The following LPAR1 variants were observed in gnomAD, a reference collection of about 807,000 sequenced individuals.
The protein encoded by LPAR1 is LPA receptor 1.
LPAR1 carries 5 observed loss-of-function variants against 23.8 expected under a neutral mutation model. That is an observed-to-expected ratio of 0.21 (90% CI 0.11 to 0.44). The LOEUF is 0.44. LPAR1 is among the 20% of genes least tolerant of loss of function. The pLI, the probability that LPAR1 is intolerant of heterozygous loss-of-function variation, is 0.99. For synonymous variants in LPAR1, 160 were observed against 164.7 expected (o/e 0.97, Z 0.22); for missense variants, 311 against 482.8 (o/e 0.64, Z 3.33).
intron 5 of LPAR1, among the ~76,000 whole-genome samples, chr9:110,937,259 G>C (rs1374999045): frequency 2.0e-5 from 3 of 152,236 alleles, no homozygotes; most frequent in Non-Finnish European, 2.9e-5. Context: ...TGAGATCACA[G>C]TGTTTCAATT....
At chr9:110,908,213 TAGTA>T (rs1382098695) in intron 5 of LPAR1, among the ~76,000 whole-genome samples, 2 of 151,212 alleles carry the variant, frequency 1.3e-5, no homozygotes, top group Non-Finnish European at 3.0e-5. Context: ...TGTTTATAAA[TAGTA>T]AGCAATTTTA....
chr9:110,998,125 G>A (rs2097055138), intron 2 of LPAR1, among the ~76,000 whole-genome samples: 1 of 152,086 alleles, frequency 6.6e-6, no homozygotes, highest in South Asian at 2.1e-4. Context: ...GCTGCTCATG[G>A]GGCCACACTT....
chr9:110,950,611 C>T (rs147357228), intron 4 of LPAR1, among the ~76,000 whole-genome samples: 2 of 151,870 alleles, frequency 1.3e-5, no homozygotes, highest in Non-Finnish European at 2.9e-5. Context: ...ATCATCAAGC[C>T]ATATGAATCA....
At chr9:110,876,942 G>A (rs1378816909) in intron 5 of LPAR1, among the ~76,000 whole-genome samples, 1 of 152,134 alleles carries the variant, frequency 6.6e-6, no homozygotes, top group East Asian at 1.9e-4. Context: ...AAGAACATGA[G>A]CCAACAGCGG....
rs1342489168 is a variant in LPAR1, at chr9:110,956,711, A to G, written c.46-14543T>C. On this transcript the variant is annotated intron_variant, in intron 4 of 5. Coordinates refer to ENST00000683809, the MANE Select transcript of LPAR1 (RefSeq NM_001351411.2). ...CTAGAGGAAATGGATACATTCCTAG[A>G]AACATACAACCTACCAAGATTGAAT... Among the ~76,000 whole-genome samples the G allele has an allele frequency of 2.5e-4, 38 of 152,192 alleles. 1 individual carries two copies. The highest frequency in any genetic ancestry group is 2.5e-3 in the Admixed American group (38 of 15,276).
chr9:110,947,861 C>G (rs1205376270), intron 4 of LPAR1, among the ~76,000 whole-genome samples: 2 of 152,220 alleles, frequency 1.3e-5, no homozygotes, highest in Non-Finnish European at 2.9e-5. Flanking sequence ...AATATGTACT[C>G]TACTGAGATA....
intron 5 of LPAR1, among the ~76,000 whole-genome samples, chr9:110,920,629 G>A (rs1275648024): frequency 6.6e-6 from 1 of 152,026 alleles, no homozygotes; most frequent in Non-Finnish European, 1.5e-5. Context: ...AGCAAGTAAT[G>A]AGCACCAGCA....
chr9:111,011,389 C>T (rs952228720), intron 2 of LPAR1, among the ~76,000 whole-genome samples: 1 of 152,154 alleles, frequency 6.6e-6, no homozygotes, highest in African/African-American at 2.4e-5. Context: ...AAGCTCACTA[C>T]CTTCCAAGGC....
At chr9:110,988,485 G>A (rs2096834213) in intron 2 of LPAR1, among the ~76,000 whole-genome samples, 1 of 152,036 alleles carries the variant, frequency 6.6e-6, no homozygotes, top group Admixed American at 6.6e-5. Flanking sequence ...ATTTTAAAAT[G>A]ATTAAATATC....
intron 2 of LPAR1, among the ~76,000 whole-genome samples, chr9:111,025,128 G>A (rs1382021372): frequency 6.6e-6 from 1 of 152,160 alleles, no homozygotes; most frequent in South Asian, 2.1e-4. Flanking sequence ...TCACCACACT[G>A]TCTTCCACAA....
chr9:111,005,029 G>A (rs2097188473), intron 2 of LPAR1, among the ~76,000 whole-genome samples: 1 of 151,866 alleles, frequency 6.6e-6, no homozygotes, highest in African/African-American at 2.4e-5. Context: ...GGGTGTGATG[G>A]CGTGTGCCTG....
chr9:110,949,624 T>C (rs960831941), intron 4 of LPAR1, among the ~76,000 whole-genome samples: 25 of 152,190 alleles, frequency 1.6e-4, no homozygotes, highest in Admixed American at 1.5e-3. Flanking sequence ...CCAGTTTATT[T>C]GGTTACCCCA....
chr9:110,894,074 A>T (rs2085454691), intron 5 of LPAR1, among the ~76,000 whole-genome samples: 1 of 152,260 alleles, frequency 6.6e-6, no homozygotes, highest in African/African-American at 2.4e-5. Context: ...TTTATTAAAC[A>T]TTATTTACCA....
At chr9:110,917,704 G>C (rs1417214056) in intron 5 of LPAR1, among the ~76,000 whole-genome samples, 1 of 152,070 alleles carries the variant, frequency 6.6e-6, no homozygotes, top group Non-Finnish European at 1.5e-5. Context: ...GTACTTAGAA[G>C]GGTTATTTCT....
At chr9:111,012,870 C>A (rs992398281) in intron 2 of LPAR1, among the ~76,000 whole-genome samples, 2 of 152,012 alleles carry the variant, frequency 1.3e-5, no homozygotes, top group Non-Finnish European at 2.9e-5. Flanking sequence ...TAATAGTAAG[C>A]GGGAATTCCT....
At chr9:110,995,786 C>T (rs942521762) in intron 2 of LPAR1, among the ~76,000 whole-genome samples, 11 of 152,262 alleles carry the variant, frequency 7.2e-5, no homozygotes, top group African/African-American at 2.6e-4. Context: ...TTTCTCTGTT[C>T]ACAATGATTT....
chr9:110,902,112 C>A (rs1334851147), intron 5 of LPAR1, among the ~76,000 whole-genome samples: 2 of 152,020 alleles, frequency 1.3e-5, no homozygotes, highest in African/African-American at 2.4e-5. Context: ...CCCACAACCT[C>A]ACAGAAGGTC....
intron 2 of LPAR1, among the ~76,000 whole-genome samples, chr9:110,987,291 AATT>A (rs1231910333): frequency 1.3e-5 from 2 of 151,192 alleles, no homozygotes; most frequent in African/African-American, 4.9e-5. Flanking sequence ...ATATCTATTC[AATT>A]ATTATGTTTA....
At chr9:110,903,645 A>T (rs917435695) in intron 5 of LPAR1, among the ~76,000 whole-genome samples, 2 of 152,140 alleles carry the variant, frequency 1.3e-5, no homozygotes, top group African/African-American at 4.8e-5. Flanking sequence ...CAGACCCTCA[A>T]GGACTTGTAG....
Sources: allele counts gnomAD v4.1 joint callset (sites outside exome capture counted in the v4.1 genomes callset), GRCh38; gene constraint gnomAD v4.1.1; transcripts MANE v1.5; gene names NCBI Gene and HGNC (gene_info 2026-07-23, HGNC 2026-07-21).